ARHGAP15: variants seen among roughly 807,000 people sequenced by gnomAD.
ARHGAP15 encodes the protein rho GTPase-activating protein 15.
Under a neutral mutation model 63.7 loss-of-function variants are expected in ARHGAP15, and 51 were observed. The observed-to-expected ratio is 0.80, with a 90% CI of 0.64 to 1.01. The LOEUF (loss-of-function observed/expected upper bound fraction) is 1.01, where lower values mean the gene tolerates loss of function less well. Among genes scored for constraint, ARHGAP15 ranks in the 50% least tolerant of loss-of-function variants. ARHGAP15 has a pLI of 0.00. For missense variants in ARHGAP15, 560 were observed against 564.6 expected (o/e 0.99, Z 0.08); for synonymous variants, 191 against 193.8 (o/e 0.99, Z 0.12).
chr2:143,366,589 CT>C (rs1168248985), intron 6 of ARHGAP15, among the ~76,000 whole-genome samples: 2 of 152,016 alleles, frequency 1.3e-5, no homozygotes, highest in Non-Finnish European at 2.9e-5. Context: ...TTGGTATCGA[CT>C]TTTTGTGAAT....
chr2:143,391,036 A>G (rs1687516971), intron 6 of ARHGAP15, among the ~76,000 whole-genome samples: 1 of 152,166 alleles, frequency 6.6e-6, no homozygotes, highest in Admixed American at 6.6e-5. Flanking sequence ...AGTTAATGTG[A>G]AAGTTCACAG....
chr2:143,768,155 G>C lies in ARHGAP15; in HGVS notation c.1411G>C (p.Gly471Arg), dbSNP rs147613962. The change falls in exon 14 of 14, where the codon GGC (glycine) becomes CGC (arginine). Residue 471 changes from glycine to arginine, a missense_variant. Gly to Arg is a moderately radical substitution (Grantham distance 125). Transcript: ENST00000295095. The part of the protein sequence containing the change: ...LMLSEYSKIF[G>R]SEED Reference sequence around the variant, plus strand: ...GCTGAGTGAGTACAGTAAGATCTTCGGCTCAGAGGAAGACTGACAGACAAG... The same window carrying C: ...GCTGAGTGAGTACAGTAAGATCTTCCGCTCAGAGGAAGACTGACAGACAAG... The C allele has an allele frequency of 4.3e-6, 7 of 1,613,298 alleles. No homozygotes were observed. The highest frequency in any genetic ancestry group is 1.7e-5 in the Admixed American group (1 of 59,950).
chr2:143,251,383 G>T (rs773922399), intron 6 of ARHGAP15, among the ~76,000 whole-genome samples: 1 of 151,902 alleles, frequency 6.6e-6, no homozygotes, highest in Non-Finnish European at 1.5e-5. Flanking sequence ...TAAATTAAAT[G>T]TCTTCTGAGA....
At chr2:143,479,599 A>G (rs1691980324) in intron 8 of ARHGAP15, among the ~76,000 whole-genome samples, 1 of 152,034 alleles carries the variant, frequency 6.6e-6, no homozygotes, top group East Asian at 1.9e-4. Flanking sequence ...CACTTACTTT[A>G]TTAGCAAATT....
At chr2:143,522,606 A>ATCTT (rs1470684647) in intron 10 of ARHGAP15, among the ~76,000 whole-genome samples, 1 of 152,134 alleles carries the variant, frequency 6.6e-6, no homozygotes, top group African/African-American at 2.4e-5. Context: ...GGGGTATCTA[A>ATCTT]TCTTTTGGCT....
At chr2:143,322,782 A>G (rs1437686769) in intron 6 of ARHGAP15, among the ~76,000 whole-genome samples, 1 of 152,170 alleles carries the variant, frequency 6.6e-6, no homozygotes, top group Non-Finnish European at 1.5e-5. Flanking sequence ...TGGATTAGAG[A>G]AGGAGGAGGA....
chr2:143,701,658 G>A (rs1684095180), intron 12 of ARHGAP15, among the ~76,000 whole-genome samples: 1 of 152,164 alleles, frequency 6.6e-6, no homozygotes, highest in Admixed American at 6.5e-5. Flanking sequence ...TTGAGCCCAG[G>A]AGTTGAGACT....
intron 6 of ARHGAP15, among the ~76,000 whole-genome samples, chr2:143,297,066 G>T (rs192486954): frequency 6.6e-6 from 1 of 151,854 alleles, no homozygotes; most frequent in Non-Finnish European, 1.5e-5. Flanking sequence ...AAAGAAAAAA[G>T]GTACCCCAGT....
intron 6 of ARHGAP15, among the ~76,000 whole-genome samples, chr2:143,434,690 A>G (rs2105086921): frequency 6.6e-6 from 1 of 152,300 alleles, no homozygotes; most frequent in South Asian, 2.1e-4. Flanking sequence ...TTCATCTTCC[A>G]GTTGCAAGGA....
chr2:143,461,548 G>A (rs1033657058), intron 8 of ARHGAP15, among the ~76,000 whole-genome samples: 1 of 152,024 alleles, frequency 6.6e-6, no homozygotes, highest in African/African-American at 2.4e-5. Context: ...ACCACCATTC[G>A]AGAAAATTGG....
intron 12 of ARHGAP15, among the ~76,000 whole-genome samples, chr2:143,640,483 T>C (rs13422906): frequency 6.6e-6 from 1 of 152,088 alleles, no homozygotes; most frequent in Non-Finnish European, 1.5e-5. Context: ...ATTTTCTACA[T>C]GTCGAAGAAG....
At chr2:143,736,467 A>G (rs1014576797) in intron 13 of ARHGAP15, among the ~76,000 whole-genome samples, 5 of 152,084 alleles carry the variant, frequency 3.3e-5, no homozygotes, top group African/African-American at 4.8e-5. Context: ...GATAGGAGAT[A>G]AGGCTTTGGA....
intron 5 of ARHGAP15, among the ~76,000 whole-genome samples, chr2:143,244,544 C>T (rs1693975720): frequency 6.6e-6 from 1 of 152,090 alleles, no homozygotes; most frequent in Admixed American, 6.5e-5. Context: ...AAATGTCTGG[C>T]GTTGTGAAAA....
At chr2:143,721,179 T>G (rs1371164613) in intron 13 of ARHGAP15, among the ~76,000 whole-genome samples, 1 of 151,760 alleles carries the variant, frequency 6.6e-6, no homozygotes, top group Non-Finnish European at 1.5e-5. Context: ...CAGACCACAC[T>G]TTCAGAACAG....
At chr2:143,386,448 T>G (rs1373084800) in intron 6 of ARHGAP15, among the ~76,000 whole-genome samples, 1 of 152,130 alleles carries the variant, frequency 6.6e-6, no homozygotes, top group Non-Finnish European at 1.5e-5. Context: ...TGTCTTGGAT[T>G]AAAAGGAGAA....
At chr2:143,590,309 C>G (rs185442168) in intron 11 of ARHGAP15, among the ~76,000 whole-genome samples, 1 of 152,304 alleles carries the variant, frequency 6.6e-6, no homozygotes, top group Admixed American at 6.5e-5. Context: ...CACTTTTGCT[C>G]TGTTTTCTTC....
intron 6 of ARHGAP15, among the ~76,000 whole-genome samples, chr2:143,387,975 C>T (rs1042075985): frequency 6.6e-6 from 1 of 152,014 alleles, no homozygotes; most frequent in African/African-American, 2.4e-5. Flanking sequence ...TAGAAGATCT[C>T]TTAAACAGGC....
chr2:143,661,667 T>A (rs1445209485), intron 12 of ARHGAP15, among the ~76,000 whole-genome samples: 5 of 151,990 alleles, frequency 3.3e-5, no homozygotes, highest in African/African-American at 1.2e-4. Context: ...AGGTACCGGG[T>A]TCATCTCACT....
At chr2:143,692,719 A>C (rs1239745022) in intron 12 of ARHGAP15, among the ~76,000 whole-genome samples, 1 of 152,206 alleles carries the variant, frequency 6.6e-6, no homozygotes, top group Admixed American at 6.5e-5. Context: ...TCTTTTGAGC[A>C]ACGGAAGTAC....
Sources: gnomAD v4.1 joint callset for allele counts (sites outside exome capture counted in the v4.1 genomes callset) on GRCh38, gnomAD v4.1.1 for gene constraint, MANE v1.5 for transcripts, NCBI Gene and HGNC (gene_info 2026-07-23, HGNC 2026-07-21) for gene names.